The following DYNC1I1 variants were observed in gnomAD, a reference collection of about 807,000 sequenced individuals.
The protein encoded by DYNC1I1 is cytoplasmic dynein 1 intermediate chain 1.
A neutral mutation model predicts 86.6 loss-of-function variants in DYNC1I1; 43 were observed. The observed-to-expected ratio is 0.50, with a 90% CI of 0.39 to 0.64. The LOEUF (loss-of-function observed/expected upper bound fraction) is 0.64, where lower values mean the gene tolerates loss of function less well. DYNC1I1 is among the 30% of genes least tolerant of loss of function. The probability of loss-of-function intolerance (pLI) is 0.00; values close to 1 mark genes in which losing one functional copy is unlikely to be tolerated. For synonymous variants in DYNC1I1, 262 were observed against 283.7 expected, an observed-to-expected ratio of 0.92 and a Z score of 0.77; for missense variants, 604 against 788.8, an observed-to-expected ratio of 0.77 and a Z score of 2.81.
At chr7:95,787,884 A>G (rs538766403) in intron 1 of DYNC1I1, among the ~76,000 whole-genome samples, 69 of 152,330 alleles carry the variant, frequency 4.5e-4, no homozygotes, top group South Asian at 8.3e-4. Flanking sequence ...TGAAATTTGG[A>G]CTAAGTCTTG....
intron 4 of DYNC1I1, among the ~76,000 whole-genome samples, chr7:95,823,193 C>G (rs923348553): frequency 9.2e-5 from 14 of 152,086 alleles, no homozygotes; most frequent in African/African-American, 1.4e-4. Flanking sequence ...GTCCAATAAA[C>G]TAAGCACTGA....
chr7:96,078,446 G>A (rs113741172), intron 15 of DYNC1I1, among the ~76,000 whole-genome samples: 3 of 152,012 alleles, frequency 2.0e-5, no homozygotes, highest in African/African-American at 7.2e-5. Flanking sequence ...TTTTCTTCAT[G>A]CATTTATGAA....
At position 95,782,351 on chromosome 7, in the gene DYNC1I1, C is replaced by T. The variant is rs145343932; in HGVS notation, c.-10+9578C>T. Among the ~76,000 whole-genome samples, 774 of 152,300 alleles carry T rather than the reference C, an allele frequency of 5.1e-3. 7 individuals carry two copies. The highest frequency in any genetic ancestry group is 0.018 in the African/African-American group (746 of 41,566). On this transcript the variant is annotated intron_variant, in intron 1 of 16. Transcript: ENST00000447467. ...ATAACTACAGTCTCTATGGGGCACCCCTAGGGACACTGACTGATATGTAAC... is the reference window on the plus strand; with the variant it reads ...ATAACTACAGTCTCTATGGGGCACCTCTAGGGACACTGACTGATATGTAAC...
At chr7:95,886,349 G>T (rs1790591755) in intron 6 of DYNC1I1, among the ~76,000 whole-genome samples, 1 of 152,110 alleles carries the variant, frequency 6.6e-6, no homozygotes, top group Admixed American at 6.5e-5. Flanking sequence ...CAGGAGGATT[G>T]CTTGAACTGG....
chr7:95,970,830 T>C (rs910653040), intron 6 of DYNC1I1, among the ~76,000 whole-genome samples: 1 of 152,136 alleles, frequency 6.6e-6, no homozygotes, highest in African/African-American at 2.4e-5. Flanking sequence ...TGTGTTATTG[T>C]AGAGATATTT....
At chr7:95,897,750 G>C in intron 6 of DYNC1I1, among the ~76,000 whole-genome samples, 1 of 58,674 alleles carries the variant, frequency 1.7e-5, no homozygotes, top group Non-Finnish European at 4.2e-5. Flanking sequence ...TTTTTTTTTT[G>C]CAATAATGAT....
intron 6 of DYNC1I1, among the ~76,000 whole-genome samples, chr7:95,923,882 C>A (rs1361919136): frequency 6.6e-6 from 1 of 152,056 alleles, no homozygotes; most frequent in African/African-American, 2.4e-5. Flanking sequence ...TCCTGCATAA[C>A]AATTACTTAC....
At chr7:95,879,491 G>T (rs1468137905) in intron 6 of DYNC1I1, among the ~76,000 whole-genome samples, 3 of 151,878 alleles carry the variant, frequency 2.0e-5, no homozygotes, top group African/African-American at 7.3e-5. Flanking sequence ...GTAATTATGG[G>T]GAGAGGAACA....
intron 12 of DYNC1I1, among the ~76,000 whole-genome samples, chr7:96,035,034 A>G (rs1794898331): frequency 6.6e-6 from 1 of 152,070 alleles, no homozygotes; most frequent in African/African-American, 2.4e-5. Context: ...TAAAATAAAG[A>G]CTCCCATTTG....
intron 2 of DYNC1I1, among the ~76,000 whole-genome samples, chr7:95,805,865 AGT>A (rs1794691113): frequency 6.6e-6 from 1 of 152,232 alleles, no homozygotes; most frequent in African/African-American, 2.4e-5. Context: ...AATCTAAATA[AGT>A]GTTGTTTCAT....
intron 6 of DYNC1I1, among the ~76,000 whole-genome samples, chr7:95,900,507 G>A (rs1220812138): frequency 6.6e-6 from 1 of 152,152 alleles, no homozygotes; most frequent in Non-Finnish European, 1.5e-5. Context: ...GAGGTTAGAT[G>A]TGTATAGTTA....
intron 5 of DYNC1I1, among the ~76,000 whole-genome samples, chr7:95,854,705 A>G (rs1021288762): frequency 2.0e-5 from 3 of 152,200 alleles, no homozygotes; most frequent in Non-Finnish European, 4.4e-5. Flanking sequence ...TAAATTTAAT[A>G]CAGTTTAATT....
At chr7:96,013,689 G>A (rs1794333486) in intron 10 of DYNC1I1, among the ~76,000 whole-genome samples, 1 of 152,028 alleles carries the variant, frequency 6.6e-6, no homozygotes, top group Non-Finnish European at 1.5e-5. Context: ...GAACTCCTGG[G>A]CTCAAGTGAT....
At chr7:95,981,145 A>G (rs564292262) in intron 7 of DYNC1I1, among the ~76,000 whole-genome samples, 32 of 152,164 alleles carry the variant, frequency 2.1e-4, no homozygotes, top group Non-Finnish European at 4.4e-4. Context: ...AACAGAAATG[A>G]GATACTAAAA....
At chr7:95,778,742 A>G (rs1462508391) in intron 1 of DYNC1I1, among the ~76,000 whole-genome samples, 1 of 151,890 alleles carries the variant, frequency 6.6e-6, no homozygotes, top group Admixed American at 6.6e-5. Flanking sequence ...ACTCACTGCA[A>G]CTCCAACTCC....
intron 1 of DYNC1I1, among the ~76,000 whole-genome samples, chr7:95,803,859 G>T (rs561208326): frequency 1.1e-4 from 17 of 152,212 alleles, no homozygotes; most frequent in Middle Eastern, 3.4e-3. Context: ...ATAATCATTG[G>T]TAATTAGTAA....
chr7:95,830,772 G>A (rs897426089), intron 5 of DYNC1I1, among the ~76,000 whole-genome samples: 1 of 152,090 alleles, frequency 6.6e-6, no homozygotes, highest in Non-Finnish European at 1.5e-5. Context: ...AACTTTTTAA[G>A]AAATTGTCAA....
chr7:95,932,364 AG>A (rs1434048645), intron 6 of DYNC1I1, among the ~76,000 whole-genome samples: 4 of 152,196 alleles, frequency 2.6e-5, no homozygotes, highest in African/African-American at 9.6e-5. Flanking sequence ...TAAAGAAAAA[AG>A]GGGTTAATTA....
intron 5 of DYNC1I1, among the ~76,000 whole-genome samples, chr7:95,856,271 C>A (rs2633938): frequency 0.72 from 108,848 of 151,902 alleles, 40,716 homozygotes; most frequent in Non-Finnish European, 0.84. Context: ...ATGTTGTCCC[C>A]CTGGACGGTC....
Sources: gnomAD v4.1 joint callset for allele counts (sites outside exome capture counted in the v4.1 genomes callset) on GRCh38, gnomAD v4.1.1 for gene constraint, MANE v1.5 for transcripts, NCBI Gene and HGNC (gene_info 2026-07-23, HGNC 2026-07-21) for gene names.